FRMD4A: variants seen among roughly 807,000 people sequenced by gnomAD.
FRMD4A encodes the protein FERM domain containing 4A, also known as FERM domain-containing protein 4A.
Under a neutral mutation model 129.1 loss-of-function variants are expected in FRMD4A, and 29 were observed. That is an observed-to-expected ratio of 0.22 (90% CI 0.17 to 0.31). The LOEUF (loss-of-function observed/expected upper bound fraction) is 0.31. FRMD4A is among the 10% of genes least tolerant of loss of function. The probability of loss-of-function intolerance (pLI) is 1.00; values close to 1 mark genes in which losing one functional copy is unlikely to be tolerated. For synonymous variants in FRMD4A, 634 were observed against 571.6 expected, an observed-to-expected ratio of 1.11 and a Z score of -1.56; for missense variants, 1,272 against 1,375.8, an observed-to-expected ratio of 0.92 and a Z score of 1.19.
At chr10:14,311,937 A>C (rs926795034) in intron 2 of FRMD4A, among the ~76,000 whole-genome samples, 13 of 152,120 alleles carry the variant, frequency 8.5e-5, no homozygotes, top group Non-Finnish European at 1.9e-4. Flanking sequence ...CATGTCTTAA[A>C]ATTTTTCTTA....
At chr10:14,095,053 T>C (rs1401008709) in intron 2 of FRMD4A, among the ~76,000 whole-genome samples, 5 of 152,122 alleles carry the variant, frequency 3.3e-5, no homozygotes, top group Non-Finnish European at 5.9e-5. Context: ...TGTATGAACA[T>C]GAAGGAACTG....
At chr10:13,782,422 CATTATTATT>C (rs34523427) in intron 6 of FRMD4A, among the ~76,000 whole-genome samples, 15 of 146,336 alleles carry the variant, frequency 1.0e-4, no homozygotes, top group African/African-American at 2.5e-4. Flanking sequence ...AAAGGAATCA[CATTATTATT>C]ATTATTATTA....
At chr10:13,783,069 T>C (rs1588695853) in intron 5 of FRMD4A, 63 bp from the exon 6 acceptor site, 1 of 759,368 alleles carries the variant, frequency 1.3e-6, no homozygotes, top group Admixed American at 1.8e-5. Flanking sequence ...AAGTGCTCTC[T>C]TGAGCTACAT....
chr10:13,945,987 G>T (rs2095328422), intron 2 of FRMD4A, among the ~76,000 whole-genome samples: 2 of 152,296 alleles, frequency 1.3e-5, no homozygotes, highest in African/African-American at 2.4e-5. Flanking sequence ...TTCCCTAGGA[G>T]TTGCCTTCTT....
At chr10:14,023,942 A>T (rs1588803467) in intron 2 of FRMD4A, among the ~76,000 whole-genome samples, 1 of 99,792 alleles carries the variant, frequency 1.0e-5, no homozygotes, top group Non-Finnish European at 2.4e-5. Flanking sequence ...AGCATCCTCT[A>T]AAAAAAAAAT....
chr10:14,284,403 C>T (rs1845615320), intron 2 of FRMD4A, among the ~76,000 whole-genome samples: 1 of 152,160 alleles, frequency 6.6e-6, no homozygotes, highest in Admixed American at 6.5e-5. Context: ...AATGCCAGCA[C>T]TTTGGGAGGC....
intron 2 of FRMD4A, among the ~76,000 whole-genome samples, chr10:14,041,731 A>C (rs979495858): frequency 3.3e-5 from 5 of 152,250 alleles, no homozygotes; most frequent in African/African-American, 1.2e-4. Context: ...AAAATATAGC[A>C]ATGAAAAGGA....
At chr10:14,190,406 C>T (rs757934921) in intron 2 of FRMD4A, among the ~76,000 whole-genome samples, 1 of 152,156 alleles carries the variant, frequency 6.6e-6, no homozygotes, top group Non-Finnish European at 1.5e-5. Context: ...GGGTCTTGCT[C>T]TGTTGCCCAG....
At chr10:13,841,045 C>A (rs1056069871) in intron 3 of FRMD4A, among the ~76,000 whole-genome samples, 3 of 151,958 alleles carry the variant, frequency 2.0e-5, no homozygotes, top group African/African-American at 7.3e-5. Flanking sequence ...GAGGTTGAAC[C>A]TGCAGTGAGC....
intron 2 of FRMD4A, among the ~76,000 whole-genome samples, chr10:14,230,059 G>T (rs1390509158): frequency 6.6e-6 from 1 of 152,198 alleles, no homozygotes; most frequent in Non-Finnish European, 1.5e-5. Context: ...ACTGCACAGG[G>T]AGCTTCTTAT....
chr10:13,972,373 T>A, intron 2 of FRMD4A: 1 of 953,314 alleles, frequency 1.0e-6, no homozygotes, highest in Non-Finnish European at 1.2e-6. Flanking sequence ...GAGAAATTGC[T>A]ATTTCTGTGG....
At chr10:14,279,182 ATTTTTTTTTTTTT>A (rs1223887250) in intron 2 of FRMD4A, among the ~76,000 whole-genome samples, 70 of 99,624 alleles carry the variant, frequency 7.0e-4, no homozygotes, top group African/African-American at 2.2e-3. Flanking sequence ...AGGAAGCGGG[ATTTTTTTTTTTTT>A]TTTTTTTTTT....
intron 2 of FRMD4A, among the ~76,000 whole-genome samples, chr10:14,038,126 T>A (rs1478120248): frequency 6.6e-6 from 1 of 152,062 alleles, no homozygotes; most frequent in Non-Finnish European, 1.5e-5. Flanking sequence ...ATCGAGACCA[T>A]CCTGGCTAAC....
intron 12 of FRMD4A, among the ~76,000 whole-genome samples, chr10:13,715,677 G>C (rs1450232415): frequency 1.3e-5 from 2 of 152,112 alleles, no homozygotes; most frequent in African/African-American, 2.4e-5. Context: ...AGGCTGACAT[G>C]GGTGGATCAT....
chr10:14,185,123 T>A (rs925838766), intron 2 of FRMD4A, among the ~76,000 whole-genome samples: 3 of 152,246 alleles, frequency 2.0e-5, no homozygotes, highest in African/African-American at 7.2e-5. Context: ...TGTCTGTGTC[T>A]GAACAGGTTT....
At chr10:13,979,140 G>A (rs545025822) in intron 2 of FRMD4A, among the ~76,000 whole-genome samples, 1 of 152,238 alleles carries the variant, frequency 6.6e-6, no homozygotes, top group African/African-American at 2.4e-5. Flanking sequence ...CCTTTCCCAA[G>A]GATGATTTTT....
intron 2 of FRMD4A, among the ~76,000 whole-genome samples, chr10:14,297,629 T>A (rs1378543603): frequency 6.6e-6 from 1 of 152,206 alleles, no homozygotes; most frequent in Admixed American, 6.5e-5. Flanking sequence ...TTTTTCAAAT[T>A]CCTGCATGTG....
At chr10:14,235,795 C>G (rs929851354) in intron 2 of FRMD4A, among the ~76,000 whole-genome samples, 2 of 152,172 alleles carry the variant, frequency 1.3e-5, no homozygotes, top group African/African-American at 2.4e-5. Flanking sequence ...GCCATCTGGC[C>G]AGGAAAGAAC....
intron 7 of FRMD4A, 88 bp from the exon 8 acceptor site, chr10:13,761,757 C>G (rs767062792): frequency 5.8e-5 from 51 of 872,206 alleles, no homozygotes; most frequent in Non-Finnish European, 7.2e-5. Flanking sequence ...GAGAGTTTCT[C>G]TACTGAATGA....
Sources: gnomAD v4.1 joint callset for allele counts (sites outside exome capture counted in the v4.1 genomes callset) on GRCh38, gnomAD v4.1.1 for gene constraint, MANE v1.5 for transcripts, NCBI Gene and HGNC (gene_info 2026-07-23, HGNC 2026-07-21) for gene names.